The following CUX2 variants were observed in gnomAD, a reference collection of about 807,000 sequenced individuals.
The protein encoded by CUX2 is cut like homeobox 2, also known as homeobox protein cut-like 2.
A neutral mutation model predicts 144.8 loss-of-function variants in CUX2; 40 were observed. The observed-to-expected ratio is 0.28, with a 90% CI of 0.21 to 0.36. The LOEUF is 0.36. CUX2 is among the 10% of genes least tolerant of loss of function. The probability of loss-of-function intolerance (pLI) is 1.00; values close to 1 mark genes in which losing one functional copy is unlikely to be tolerated. For synonymous variants in CUX2, 827 were observed against 875.6 expected (o/e 0.94, Z 0.98); for missense variants, 1,615 against 1,994.0 (o/e 0.81, Z 3.62).
At chr12:111,082,532 G>A (rs1407160906) in intron 1 of CUX2, among the ~76,000 whole-genome samples, 5 of 152,200 alleles carry the variant, frequency 3.3e-5, no homozygotes, top group Admixed American at 1.3e-4. Flanking sequence ...GACCCAGGTC[G>A]GACTGGAGTG....
intron 4 of CUX2, among the ~76,000 whole-genome samples, chr12:111,264,092 C>A (rs1884264645): frequency 6.6e-6 from 1 of 152,114 alleles, no homozygotes; most frequent in South Asian, 2.1e-4. Context: ...GATGAGATAT[C>A]CCACCTGGAC....
chr12:111,249,483 G>T (rs1443554794), intron 3 of CUX2, among the ~76,000 whole-genome samples: 5 of 124,342 alleles, frequency 4.0e-5, no homozygotes, highest in Non-Finnish European at 7.9e-5. Flanking sequence ...TGGAGACAGA[G>T]TCTCACTCTA....
chr12:111,049,947 T>C (rs890690953), intron 1 of CUX2, among the ~76,000 whole-genome samples: 3 of 152,174 alleles, frequency 2.0e-5, no homozygotes, highest in African/African-American at 7.2e-5. Context: ...GCATGGTGCT[T>C]GGAGCCTGTC....
chr12:111,305,512 A>G (rs549082166), intron 10 of CUX2, among the ~76,000 whole-genome samples: 1 of 152,244 alleles, frequency 6.6e-6, no homozygotes, highest in East Asian at 1.9e-4. Flanking sequence ...CTGTACAATT[A>G]ACATCTACTT....
intron 21 of CUX2, among the ~76,000 whole-genome samples, chr12:111,345,611 G>T (rs564331542): frequency 6.6e-6 from 1 of 151,590 alleles, no homozygotes; most frequent in Non-Finnish European, 1.5e-5. Flanking sequence ...GCGTGGTGGC[G>T]GGCGCCTGTA....
intron 1 of CUX2, among the ~76,000 whole-genome samples, chr12:111,192,443 T>C (rs1040253209): frequency 1.3e-5 from 2 of 151,772 alleles, no homozygotes; most frequent in Non-Finnish European, 2.9e-5. Flanking sequence ...TGAGGGGATT[T>C]GAACCCAGCC....
Position 111,304,166 on chromosome 12 carries a change from C to T in CUX2, c.754-44C>T, listed in dbSNP as rs1454726610. 6.7e-7 allele frequency: 1 copy of T among 1,501,320 alleles called. No individual in the cohort carries two copies. Among genetic ancestry groups the T allele is most frequent in the Non-Finnish European group, 9.2e-7 (1 of 1,088,760 alleles). The allele number at this position is 1,501,320 out of a possible 1,614,324, so 93.0% of individuals were successfully genotyped here. On this transcript the variant is annotated intron_variant, in intron 9 of 21. Transcript: ENST00000261726. The surrounding 1 kb of genome is among the most constrained non-coding windows in gnomAD (Gnocchi z 4.7). ...ACAGTGCAGGGAGAAGGTGGAAGTGCAGAGTGGGCTCACCTCTCGCCCACA... is the reference window on the plus strand; with the variant it reads ...ACAGTGCAGGGAGAAGGTGGAAGTGTAGAGTGGGCTCACCTCTCGCCCACA...
chr12:111,227,444 G>C (rs1339448554), intron 3 of CUX2, among the ~76,000 whole-genome samples: 1 of 152,100 alleles, frequency 6.6e-6, no homozygotes, highest in African/African-American at 2.4e-5. Flanking sequence ...GGCAGGATTC[G>C]GTGCAGATCA....
intron 1 of CUX2, among the ~76,000 whole-genome samples, chr12:111,166,573 C>T (rs1878156662): frequency 1.3e-5 from 2 of 152,206 alleles, no homozygotes; most frequent in South Asian, 2.1e-4. Context: ...GAACACAGCC[C>T]GAGGCTCAGA....
chr12:111,216,099 G>A (rs1260925053), intron 2 of CUX2, among the ~76,000 whole-genome samples: 4 of 152,218 alleles, frequency 2.6e-5, no homozygotes, highest in Non-Finnish European at 4.4e-5. Context: ...TCCCCCAGCC[G>A]TGAAGCAGAT....
intron 1 of CUX2, among the ~76,000 whole-genome samples, chr12:111,189,305 C>T (rs1162273851): frequency 6.6e-6 from 1 of 152,110 alleles, no homozygotes; most frequent in Non-Finnish European, 1.5e-5. Context: ...TTCCCTGCTA[C>T]CCAGAAACAT....
At chr12:111,228,608 G>C (rs1679921283) in intron 3 of CUX2, among the ~76,000 whole-genome samples, 2 of 152,048 alleles carry the variant, frequency 1.3e-5, no homozygotes. Flanking sequence ...ATTTTTAGTA[G>C]AGACAGGGCT....
intron 1 of CUX2, among the ~76,000 whole-genome samples, chr12:111,101,661 CTG>C (rs1873248631): frequency 6.6e-6 from 1 of 152,228 alleles, no homozygotes; most frequent in Non-Finnish European, 1.5e-5. Context: ...GCTTCAAACA[CTG>C]TGTGGCCTTG....
In CUX2 at chr12:111,077,728, C is replaced by T. The variant is rs193171192; in HGVS notation, c.63+43488C>T. On this transcript the variant is annotated intron_variant, in intron 1 of 21. Coordinates refer to ENST00000261726, the MANE Select transcript of CUX2 (RefSeq NM_015267.4). The surrounding 1 kb of genome is among the most constrained non-coding windows in gnomAD (Gnocchi z 4.1). Reference sequence around the variant, plus strand: ...GAGTGTTTGTTTTTTGGGGGCCATACGCAAATTCCCACCCAGATCCCTCCT... The same window carrying T: ...GAGTGTTTGTTTTTTGGGGGCCATATGCAAATTCCCACCCAGATCCCTCCT... Among the ~76,000 whole-genome samples the T allele has an allele frequency of 1.3e-4, 20 of 152,160 alleles. No individual in the cohort carries two copies. In the East Asian group the frequency reaches 1.5e-3, roughly 12 times the overall value.
intron 1 of CUX2, among the ~76,000 whole-genome samples, chr12:111,040,382 C>T (rs1869682773): frequency 6.6e-6 from 1 of 152,000 alleles, no homozygotes; most frequent in Admixed American, 6.6e-5. Flanking sequence ...GCCCCATTCT[C>T]TCAATCTCTC....
intron 5 of CUX2, 147 bp downstream of exon 5, chr12:111,291,699 T>C (rs1194803016): frequency 1.1e-6 from 1 of 896,292 alleles, no homozygotes; most frequent in Admixed American, 3.7e-5. Context: ...TTCCTGGGTA[T>C]ATATTGATCC....
intron 1 of CUX2, among the ~76,000 whole-genome samples, chr12:111,049,776 A>G (rs1411654718): frequency 1.3e-5 from 2 of 152,228 alleles, no homozygotes; most frequent in African/African-American, 4.8e-5. Context: ...TCTGTCCTGT[A>G]GCAGATTGGA....
chr12:111,120,614 C>T (rs150483467), intron 1 of CUX2, among the ~76,000 whole-genome samples: 56 of 151,266 alleles, frequency 3.7e-4, no homozygotes, highest in African/African-American at 1.2e-3. Flanking sequence ...TTGTCCTCAA[C>T]TCCTTTGACA....
chr12:111,222,768 C>T (rs569030655), intron 3 of CUX2, among the ~76,000 whole-genome samples: 80 of 152,230 alleles, frequency 5.3e-4, no homozygotes, highest in African/African-American at 1.9e-3. Context: ...CCATGGTGGG[C>T]GTGCATGGTT....
Sources: allele counts gnomAD v4.1 joint callset (sites outside exome capture counted in the v4.1 genomes callset), GRCh38; gene constraint gnomAD v4.1.1; non-coding constraint Gnocchi (gnomAD v3.1); transcripts MANE v1.5; gene names NCBI Gene and HGNC (gene_info 2026-07-23, HGNC 2026-07-21).